FRMD3: variants seen among roughly 807,000 people sequenced by gnomAD.
The protein encoded by FRMD3 is FERM domain-containing protein 3.
Under a neutral mutation model 70.2 loss-of-function variants are expected in FRMD3, and 33 were observed. The ratio of observed to expected loss-of-function variants is 0.47; its 90% CI spans 0.36 to 0.63. The LOEUF is 0.63. FRMD3 is among the 20% of genes least tolerant of loss of function. The probability of loss-of-function intolerance (pLI) is 0.00; values close to 1 mark genes in which losing one functional copy is unlikely to be tolerated. For missense variants in FRMD3, 632 were observed against 711.4 expected (o/e 0.89, Z 1.27); for synonymous variants, 279 against 255.9 (o/e 1.09, Z -0.86).
intron 12 of FRMD3, among the ~76,000 whole-genome samples, chr9:83,291,951 C>A (rs1443826085): frequency 6.6e-6 from 1 of 152,156 alleles, no homozygotes; most frequent in Non-Finnish European, 1.5e-5. Context: ...CCATGGCTGG[C>A]ATGGGCTAGA....
chr9:83,493,560 C>T (rs560133683), intron 1 of FRMD3, among the ~76,000 whole-genome samples: 7 of 152,086 alleles, frequency 4.6e-5, no homozygotes, highest in Non-Finnish European at 1.0e-4. Context: ...TGGGAAGCTC[C>T]GAGTTAAAAA....
chr9:83,254,460 T>A (rs1241559877), intron 13 of FRMD3, among the ~76,000 whole-genome samples: 1 of 150,900 alleles, frequency 6.6e-6, no homozygotes, highest in Non-Finnish European at 1.5e-5. Context: ...CAAGGTAACA[T>A]CTCAACTAAA....
rs1297570014 is a variant in FRMD3 at position 83,407,867 on chromosome 9, CTCTCTCATCTT to C, written c.148-18170_148-18160del. On this transcript the variant is annotated intron_variant, in intron 1 of 13. Transcript: ENST00000304195. ...TCTCTCTCTCTCTCTCTCTCTCTCT[CTCTCTCATCTT>C]TCTCTCTCTCTCTCTCTCTCTCTCT... Among the ~76,000 whole-genome samples, 7 of 121,680 alleles carry C rather than the reference CTCTCTCATCTT, an allele frequency of 5.8e-5. 1 individual carries two copies. The highest frequency in any genetic ancestry group is 1.6e-4 in the African/African-American group (4 of 24,470). The allele number at this position is 121,680 out of a possible 152,430, so 79.8% of individuals were successfully genotyped here.
rs778271100 is a variant in FRMD3 at position 83,248,309 on chromosome 9, T to A, written c.1403A>T (p.Asp468Val). ...VDDDEIDMLF[D>V]CPSRLELERE... ...TTCCAACTCAAGCCTAGAAGGACAG[T>A]CAAAGAGCATGTCAATCTCATCGTC... Residue 468 changes from aspartate to valine, a missense_variant, in exon 14 of 14, where the codon GAC becomes GTC. Asp to Val is a radical substitution (Grantham distance 152). This residue lies in a region of FRMD3 where 418 missense variants were observed against 442.1 expected (regional missense o/e 0.95). Transcript: ENST00000304195. 1 of 1,614,128 alleles carries A rather than the reference T, an allele frequency of 6.2e-7. No homozygotes were observed. The highest frequency in any genetic ancestry group is 1.1e-5 in the South Asian group (1 of 91,070).
intron 13 of FRMD3, among the ~76,000 whole-genome samples, chr9:83,266,241 A>G (rs531058080): frequency 6.6e-6 from 1 of 152,340 alleles, no homozygotes; most frequent in East Asian, 1.9e-4. Context: ...ACTCTTTTAT[A>G]CAAGAACACA....
intron 1 of FRMD3, among the ~76,000 whole-genome samples, chr9:83,426,460 G>A (rs74572514): frequency 0.014 from 2,138 of 152,320 alleles, 40 homozygotes; most frequent in African/African-American, 0.049. Flanking sequence ...GGCCGGCCCC[G>A]GTGCTAAGAG....
chr9:83,583,474 A>T, the FRMD3 span, among the ~76,000 whole-genome samples: 1 of 152,222 alleles, frequency 6.6e-6, no homozygotes, highest in East Asian at 1.9e-4. Flanking sequence ...TTCCAAAGGA[A>T]AGTACATATT....
chr9:83,504,778 G>A (rs1196380446), intron 1 of FRMD3, among the ~76,000 whole-genome samples: 3 of 152,088 alleles, frequency 2.0e-5, no homozygotes, highest in Non-Finnish European at 4.4e-5. Context: ...TTATTTGTAT[G>A]AGTGTTTGCT....
chr9:83,581,805 T>C, the FRMD3 span, among the ~76,000 whole-genome samples: 217 of 152,330 alleles, frequency 1.4e-3, no homozygotes, highest in East Asian at 0.014. Flanking sequence ...TGTGTAGTTA[T>C]GCTAAGTGAA....
intron 1 of FRMD3, among the ~76,000 whole-genome samples, chr9:83,479,560 G>A (rs112709535): frequency 7.0e-6 from 1 of 143,668 alleles, no homozygotes; most frequent in African/African-American, 2.6e-5. Context: ...CTGGGGGTTC[G>A]AGGCTGCAAA....
At chr9:83,507,075 T>A (rs1036315541) in intron 1 of FRMD3, among the ~76,000 whole-genome samples, 1 of 152,146 alleles carries the variant, frequency 6.6e-6, no homozygotes. Flanking sequence ...GATAACAATA[T>A]ATCGACCAGG....
intron 2 of FRMD3, among the ~76,000 whole-genome samples, chr9:83,383,851 T>C (rs1825431947): frequency 6.6e-6 from 1 of 152,252 alleles, no homozygotes; most frequent in Admixed American, 6.5e-5. Flanking sequence ...GACTTCTAGA[T>C]GGCAACATTT....
Position 83,290,803 on chromosome 9 carries a change from A to C in FRMD3, c.1071-76T>G. 3 of 1,503,490 alleles carry C rather than the reference A, an allele frequency of 2.0e-6. No individual in the cohort carries two copies. The South Asian group carries it at 4.0e-5, about 20-fold the overall frequency. 93.1% of individuals were successfully genotyped at this position (1,503,490 alleles called of 1,614,324 possible). A position where few individuals can be genotyped will look rare whatever the true frequency, so the allele number is the denominator to read the frequency against. On this transcript the variant is annotated intron_variant, in intron 12 of 13. Coordinates refer to ENST00000304195, the MANE Select transcript of FRMD3 (RefSeq NM_174938.6). ...CCCCTCCATCTCAGCGGGCTGCCCA[A>C]GCTACCATTTTGTGTCTACAGGGAA...
chr9:83,304,513 T>C (rs1007898575), intron 10 of FRMD3, among the ~76,000 whole-genome samples: 1 of 152,218 alleles, frequency 6.6e-6, no homozygotes, highest in Non-Finnish European at 1.5e-5. Context: ...GGCACTTGTT[T>C]AGGGAGCTAG....
intron 13 of FRMD3, among the ~76,000 whole-genome samples, chr9:83,261,786 G>T (rs1327896685): frequency 6.6e-6 from 1 of 152,146 alleles, no homozygotes; most frequent in Non-Finnish European, 1.5e-5. Flanking sequence ...TTACCATCAA[G>T]GTTAAAAATC....
At chr9:83,491,117 ATC>A (rs1828814626) in intron 1 of FRMD3, among the ~76,000 whole-genome samples, 1 of 151,984 alleles carries the variant, frequency 6.6e-6, no homozygotes, top group Non-Finnish European at 1.5e-5. Flanking sequence ...TCCCATAAAA[ATC>A]TCTTTTTCTG....
intron 1 of FRMD3, among the ~76,000 whole-genome samples, chr9:83,454,746 A>G (rs1457392372): frequency 6.6e-6 from 1 of 152,212 alleles, no homozygotes; most frequent in African/African-American, 2.4e-5. Flanking sequence ...ACAACCCACC[A>G]GCCACCACTT....
In FRMD3 at chr9:83,246,390, C is replaced by A. The variant is rs1158157720; in HGVS notation, c.*1528G>T. On this transcript the variant is annotated 3_prime_UTR_variant, in exon 14 of 14. Coordinates refer to ENST00000304195, the MANE Select transcript of FRMD3 (RefSeq NM_174938.6). ...CAATGCTCTAGTACCTTCCTTGATA[C>A]CATTAAATTGTTGGATTAAATCCTT... 1 of 984,850 alleles carries A rather than the reference C, an allele frequency of 1.0e-6. No homozygotes were observed. Among genetic ancestry groups the A allele is most frequent in the Non-Finnish European group, 1.2e-6 (1 of 829,568 alleles). The allele number at this position is 984,850 out of a possible 1,614,324, so 61.0% of individuals were successfully genotyped here. A position where few individuals can be genotyped will look rare whatever the true frequency, so the allele number is the denominator to read the frequency against.
intron 13 of FRMD3, 75 bp downstream of exon 13, chr9:83,290,528 C>T: frequency 6.5e-7 from 1 of 1,542,510 alleles, no homozygotes; most frequent in South Asian, 1.1e-5. Context: ...CCATCATATG[C>T]AGAATTGGCG....
Sources: gnomAD v4.1 joint callset for allele counts (sites outside exome capture counted in the v4.1 genomes callset) on GRCh38, gnomAD v4.1.1 for gene constraint, gnomAD v4.1.1 regional missense constraint, MANE v1.5 for transcripts, NCBI Gene and HGNC (gene_info 2026-07-23, HGNC 2026-07-21) for gene names.